Variants in WLS observed in about 807,000 individuals in gnomAD.
The protein encoded by WLS is Wnt ligand secretion mediator, also known as protein wntless homolog.
Under a neutral mutation model 62.8 loss-of-function variants are expected in WLS, and 23 were observed. The observed-to-expected ratio is 0.37, with a 90% CI of 0.26 to 0.52. The LOEUF (loss-of-function observed/expected upper bound fraction) is 0.52, where lower values mean the gene tolerates loss of function less well. WLS is among the 20% of genes least tolerant of loss of function. The probability of loss-of-function intolerance (pLI) is 0.92; values close to 1 mark genes in which losing one functional copy is unlikely to be tolerated. For synonymous variants in WLS, 246 were observed against 244.1 expected, an observed-to-expected ratio of 1.01 and a Z score of -0.07; for missense variants, 615 against 697.3, an observed-to-expected ratio of 0.88 and a Z score of 1.33.
In WLS at chr1:68,193,937, G is replaced by A. The variant is rs371085662; in HGVS notation, c.379+18C>T. On this transcript the variant is annotated intron_variant, in intron 2 of 11. Transcript: ENST00000262348. The stretch of plus-strand genomic sequence containing the variant: ...ATGCTCAAAGGGAAGAAAGGGATGA[G>A]AGGAGAGTACACTTAACTGATTTGG... The A allele has an allele frequency of 2.4e-5, 39 of 1,607,286 alleles. No individual in the cohort carries two copies. Among genetic ancestry groups the A allele is most frequent in the Non-Finnish European group, 3.1e-5 (37 of 1,175,540 alleles).
chr1:68,223,813 C>T (rs1557529993), intron 1 of WLS, among the ~76,000 whole-genome samples: 1 of 152,260 alleles, frequency 6.6e-6, no homozygotes, highest in South Asian at 2.1e-4. Context: ...GAGTCCTAGC[C>T]AAGTTTCTCT....
chr1:68,200,191 A>T (rs1233578546), intron 1 of WLS, among the ~76,000 whole-genome samples: 1 of 152,210 alleles, frequency 6.6e-6, no homozygotes, highest in Non-Finnish European at 1.5e-5. Context: ...ATCTAACAAA[A>T]ATGATAGGAA....
At chr1:68,123,922 G>T (rs1237744740), downstream of WLS, among the ~76,000 whole-genome samples, 1 of 152,086 alleles carries the variant, frequency 6.6e-6, no homozygotes, top group Non-Finnish European at 1.5e-5. Flanking sequence ...TCTCATATAT[G>T]CTAGGAAAGT....
At chr1:68,105,076 G>T (rs1436800584) in intron 11 of WLS, among the ~76,000 whole-genome samples, 1 of 152,090 alleles carries the variant, frequency 6.6e-6, no homozygotes, top group African/African-American at 2.4e-5. Flanking sequence ...ATCCAGACCA[G>T]CATGTTTAAT....
At chr1:68,131,744 CTG>C (rs1257855188) in intron 11 of WLS, among the ~76,000 whole-genome samples, 1 of 152,162 alleles carries the variant, frequency 6.6e-6, no homozygotes, top group Non-Finnish European at 1.5e-5. Flanking sequence ...CAGAATGTGA[CTG>C]TGTTTAGAGA....
In WLS at chr1:68,170,716, C is replaced by A. The variant is rs1019824240; in HGVS notation, c.380-11469G>T. On this transcript the variant is annotated intron_variant, in intron 2 of 11. Transcript: ENST00000262348. ...CACCCAAACTCAATATGGCACCCCC[C>A]CCTTGCTCCCACAGTACCTTGTTCA... Among the ~76,000 whole-genome samples, 40 of 151,956 alleles carry A rather than the reference C, an allele frequency of 2.6e-4. 1 individual carries two copies. The highest frequency in any genetic ancestry group is 7.3e-5 in the African/African-American group (3 of 41,364).
downstream of WLS, among the ~76,000 whole-genome samples, chr1:68,124,437 T>G (rs993035526): frequency 1.3e-5 from 2 of 152,220 alleles, no homozygotes; most frequent in Admixed American, 1.3e-4. Context: ...TGCATCTTTC[T>G]TCTATGATTT....
chr1:68,162,107 C>T, intron 2 of WLS: 1 of 1,561,522 alleles, frequency 6.4e-7, no homozygotes, highest in Non-Finnish European at 8.8e-7. Flanking sequence ...TCCAGTGACG[C>T]CTGCTTGCTG....
At chr1:68,107,120 T>G (rs1382149794) in intron 11 of WLS, among the ~76,000 whole-genome samples, 2 of 152,190 alleles carry the variant, frequency 1.3e-5, no homozygotes, top group African/African-American at 4.8e-5. Context: ...TCCATTTATT[T>G]ATGAAAATAA....
chr1:68,099,409 T>C (rs2100281825), intron 11 of WLS, among the ~76,000 whole-genome samples: 1 of 152,126 alleles, frequency 6.6e-6, no homozygotes, highest in Non-Finnish European at 1.5e-5. Context: ...AGTAACTGGG[T>C]TGTCAATTTA....
intron 11 of WLS, among the ~76,000 whole-genome samples, chr1:68,118,464 C>A (rs1334971311): frequency 6.6e-6 from 1 of 152,134 alleles, no homozygotes; most frequent in African/African-American, 2.4e-5. Context: ...TTCTGTGTAG[C>A]CTTCATCGCT....
In WLS at chr1:68,178,715, AAAAAG is replaced by A. The variant is rs1428640310; in HGVS notation, c.379+15235_379+15239del. Among the ~76,000 whole-genome samples, 24 of 151,912 alleles carry A rather than the reference AAAAAG, an allele frequency of 1.6e-4. No individual in the cohort carries two copies. In the East Asian group the frequency reaches 1.7e-3, roughly 11 times the overall value. On this transcript the variant is annotated intron_variant, in intron 2 of 11. Coordinates refer to ENST00000262348, the MANE Select transcript of WLS (RefSeq NM_024911.7). The stretch of plus-strand genomic sequence containing the variant: ...ATCGAGACTACATTTCAAAAAAAAA[AAAAAG>A]AAAAGAAAAGAGAAAACTAAACAAA...
At chr1:68,162,721 C>T in intron 2 of WLS, 1 of 1,180,896 alleles carries the variant, frequency 8.5e-7, no homozygotes, top group Non-Finnish European at 1.3e-6. Flanking sequence ...CGGGATATTG[C>T]ACACAGCAAT....
chr1:68,166,674 G>A (rs554186172), intron 2 of WLS, among the ~76,000 whole-genome samples: 69 of 152,338 alleles, frequency 4.5e-4, no homozygotes, highest in African/African-American at 1.7e-3. Context: ...TTCCTGGGAG[G>A]CTGCAAGTAT....
intron 11 of WLS, among the ~76,000 whole-genome samples, chr1:68,116,055 A>G (rs1443326094): frequency 6.6e-6 from 1 of 152,130 alleles, no homozygotes; most frequent in Non-Finnish European, 1.5e-5. Context: ...GTCCCAGAGC[A>G]CTCACCCTAA....
intron 10 of WLS, among the ~76,000 whole-genome samples, chr1:68,140,369 A>G (rs1646668731): frequency 6.6e-6 from 1 of 152,240 alleles, no homozygotes; most frequent in Non-Finnish European, 1.5e-5. Flanking sequence ...GTAAGGTCAA[A>G]TTTCCTTTTG....
chr1:68,228,891 T>C (rs905362124), intron 1 of WLS, among the ~76,000 whole-genome samples: 2 of 111,748 alleles, frequency 1.8e-5, no homozygotes, highest in African/African-American at 6.5e-5. Context: ...AAATGTGTTT[T>C]TTTTTGTTTT....
At chr1:68,170,586 G>A (rs1246120109) in intron 2 of WLS, among the ~76,000 whole-genome samples, 1 of 152,064 alleles carries the variant, frequency 6.6e-6, no homozygotes, top group Non-Finnish European at 1.5e-5. Context: ...AATTACAAAA[G>A]GCTTCTTTAT....
intron 1 of WLS, among the ~76,000 whole-genome samples, chr1:68,222,502 G>A (rs769080060): frequency 2.6e-5 from 4 of 152,058 alleles, no homozygotes; most frequent in Non-Finnish European, 5.9e-5. Context: ...GCACCAGTTG[G>A]GAATGTTCTG....
Sources: gnomAD v4.1 joint callset for allele counts (sites outside exome capture counted in the v4.1 genomes callset) on GRCh38, gnomAD v4.1.1 for gene constraint, MANE v1.5 for transcripts, NCBI Gene and HGNC (gene_info 2026-07-23, HGNC 2026-07-21) for gene names.